MYZAP: variants seen among roughly 807,000 people sequenced by gnomAD.
The protein encoded by MYZAP is myocardial zonula adherens protein.
In MYZAP, 66 loss-of-function variants were observed where a neutral mutation model predicts 69.4. The observed-to-expected ratio is 0.95, with a 90% confidence interval of 0.78 to 1.17. The LOEUF is 1.17. Ranked by LOEUF, MYZAP falls within the 50% of genes most tolerant of loss-of-function variation. The pLI, the probability that MYZAP is intolerant of heterozygous loss-of-function variation, is 0.00. For synonymous variants in MYZAP, 256 were observed against 205.9 expected (o/e 1.24, Z -2.09); for missense variants, 611 against 556.2 (o/e 1.10, Z -0.99).
rs376306761 is a variant in MYZAP at position 57,593,190 on chromosome 15, A to ATGCGCGCGCGCGCGCACACG, written c.75+1081_75+1082insTGCGCGCGCGCGCGCACACG. 1.0e-3 allele frequency among the ~76,000 whole-genome samples: 113 copies of ATGCGCGCGCGCGCGCACACG among 108,328 alleles called. 1 individual carries two copies. The South Asian group carries it at 0.014, about 14-fold the overall frequency. The allele number at this position is 108,328 out of a possible 152,430, so 71.1% of individuals were successfully genotyped here. On this transcript the variant is annotated intron_variant, in intron 1 of 12. Coordinates refer to ENST00000267853, the MANE Select transcript of MYZAP (RefSeq NM_001018100.5). ...ACACTTAGGTTGTGTACACAGGCGCACACACACACACACACACACACACAC... is the reference window on the plus strand; with the variant it reads ...ACACTTAGGTTGTGTACACAGGCGCATGCGCGCGCGCGCGCACACGCACACACACACACACACACACACAC...
At chr15:57,645,201 T>C (rs1251357592) in intron 10 of MYZAP, among the ~76,000 whole-genome samples, 1 of 152,234 alleles carries the variant, frequency 6.6e-6, no homozygotes, top group Non-Finnish European at 1.5e-5. Flanking sequence ...ATTTTGAAAG[T>C]ATTTAACGGT....
intron 11 of MYZAP, among the ~76,000 whole-genome samples, chr15:57,668,890 ATATAT>A (rs760480147): frequency 0.011 from 1,283 of 111,630 alleles, 10 homozygotes; most frequent in African/African-American, 0.051. Context: ...ATATATATAT[ATATAT>A]TTTTTTTTTT....
chr15:57,639,694 C>A (rs1479222663), intron 10 of MYZAP, 149 bp downstream of exon 10: 3 of 821,224 alleles, frequency 3.7e-6, no homozygotes, highest in Non-Finnish European at 5.8e-6. Context: ...GTGGGATTTC[C>A]CCACATGTCC....
chr15:57,666,673 G>C (rs993302391), intron 11 of MYZAP, among the ~76,000 whole-genome samples: 2 of 152,050 alleles, frequency 1.3e-5, no homozygotes, highest in Non-Finnish European at 2.9e-5. Context: ...ACTAGATGCG[G>C]GAAAGAGGGA....
intron 10 of MYZAP, among the ~76,000 whole-genome samples, chr15:57,644,007 T>G (rs1300876815): frequency 6.6e-6 from 1 of 152,212 alleles, no homozygotes; most frequent in Non-Finnish European, 1.5e-5. Context: ...CATTAGTGCT[T>G]CTCCACCCAA....
chr15:57,646,387 C>G, intron 10 of MYZAP: 2 of 1,158,990 alleles, frequency 1.7e-6, no homozygotes, highest in Non-Finnish European at 2.2e-6. Flanking sequence ...ATACTGTCAC[C>G]CTGACTTGTA....
At chr15:57,670,739 T>C (rs1317891687) in intron 11 of MYZAP, among the ~76,000 whole-genome samples, 6 of 152,092 alleles carry the variant, frequency 3.9e-5, no homozygotes, top group South Asian at 2.1e-4. Flanking sequence ...TTTTAAGTTA[T>C]CCATTGGCAT....
At chr15:57,633,523 C>A in intron 7 of MYZAP, 90 bp from the exon 8 acceptor site, 2 of 1,402,272 alleles carry the variant, frequency 1.4e-6, no homozygotes, top group Non-Finnish European at 1.9e-6. Flanking sequence ...AAAGAGAAAT[C>A]GTGATCTAGC....
Position 57,684,476 on chromosome 15 carries a change from C to G in MYZAP, c.1379C>G (p.Thr460Ser). The change falls in exon 13 of 13, where the codon ACC (threonine) becomes AGC (serine). Residue 460 changes from threonine (T) to serine (S), a missense_variant. Coordinates refer to ENST00000267853, the MANE Select transcript of MYZAP (RefSeq NM_001018100.5). ...YTPYTRVLEL[T>S]MKKTLT ...CCATACACAAGAGTCCTGGAGTTAA[C>G]CATGAAGAAAACTCTGACTTAGGCA... 1 of 1,611,912 alleles carries G rather than the reference C, an allele frequency of 6.2e-7. No homozygotes were observed. The highest frequency in any genetic ancestry group is 8.5e-7 in the Non-Finnish European group (1 of 1,178,788).
intron 12 of MYZAP, chr15:57,680,582 G>A (rs2039384777): frequency 6.6e-6 from 1 of 152,020 alleles, no homozygotes. Flanking sequence ...GTTAATTAAA[G>A]CCATTGAGAA....
chr15:57,647,788 T>G, intron 10 of MYZAP: 1 of 985,422 alleles, frequency 1.0e-6, no homozygotes. Context: ...TAGATCTGGG[T>G]TCCTTGCATT....
chr15:57,667,452 T>A (rs1365009350), intron 11 of MYZAP, among the ~76,000 whole-genome samples: 19 of 151,768 alleles, frequency 1.3e-4, no homozygotes, highest in African/African-American at 4.6e-4. Flanking sequence ...CACAAGGGGG[T>A]GGTGTTTGAA....
At position 57,592,045 on chromosome 15, in the gene MYZAP, C is replaced by G. The variant is rs1314835105; in HGVS notation, c.11C>G (p.Ser4Cys). 7.7e-6 allele frequency: 11 copies of G among 1,434,646 alleles called. No individual in the cohort carries two copies. The highest frequency in any genetic ancestry group is 9.1e-6 in the Non-Finnish European group (10 of 1,098,302). The allele number at this position is 1,434,646 out of a possible 1,614,324, so 88.9% of individuals were successfully genotyped here. Residue 4 changes from serine (S) to cysteine (C), a missense_variant, in exon 1 of 13, where the codon TCC becomes TGC. By Grantham distance (112) the Ser-to-Cys change is moderately radical (BLOSUM62 -1). Coordinates refer to ENST00000267853, the MANE Select transcript of MYZAP (RefSeq NM_001018100.5). Reference sequence around the variant, plus strand: ...GACCGCCGCTGCGGGATGCTGCGCTCCACGTCCACGGTCACCCTGCTCTCG... The same window carrying G: ...GACCGCCGCTGCGGGATGCTGCGCTGCACGTCCACGGTCACCCTGCTCTCG... The part of the protein sequence containing the change: MLR[S>C]TSTVTLLSGG...
At chr15:57,668,459 A>G (rs1465135263) in intron 11 of MYZAP, among the ~76,000 whole-genome samples, 3 of 152,170 alleles carry the variant, frequency 2.0e-5, no homozygotes, top group African/African-American at 7.2e-5. Context: ...AACCTTTTAA[A>G]TTTAGCCATT....
chr15:57,639,803 C>T lies in MYZAP; in HGVS notation c.1119+258C>T, dbSNP rs150742843. Among the ~76,000 whole-genome samples the T allele has an allele frequency of 2.8e-3, 422 of 152,280 alleles. 3 individuals carry two copies. The highest frequency in any genetic ancestry group is 9.2e-3 in the African/African-American group (381 of 41,566). On this transcript the variant is annotated intron_variant, in intron 10 of 12. Coordinates refer to ENST00000267853, the MANE Select transcript of MYZAP (RefSeq NM_001018100.5). ...GGAAAGTGCAGTTCATAAGCTCACC[C>T]ACTGTGAAAGGACAGTGATAGCCTG...
intron 12 of MYZAP, among the ~76,000 whole-genome samples, chr15:57,682,421 A>G (rs975308433): frequency 2.0e-5 from 3 of 152,096 alleles, no homozygotes; most frequent in Admixed American, 6.5e-5. Context: ...CCTGTTAACT[A>G]TAACTCTCAA....
intron 6 of MYZAP, among the ~76,000 whole-genome samples, chr15:57,630,609 C>G (rs527600357): frequency 6.6e-6 from 1 of 152,266 alleles, no homozygotes; most frequent in African/African-American, 2.4e-5. Context: ...GCCCCCTAGG[C>G]TGGGAGCATT....
intron 10 of MYZAP, among the ~76,000 whole-genome samples, chr15:57,654,481 G>GT (rs747631411): frequency 2.0e-5 from 3 of 152,070 alleles, no homozygotes; most frequent in Non-Finnish European, 2.9e-5. Flanking sequence ...TTTCGTGTTT[G>GT]TTATCCTTTG....
chr15:57,651,730 T>G (rs1220076288), intron 10 of MYZAP, among the ~76,000 whole-genome samples: 6 of 152,208 alleles, frequency 3.9e-5, no homozygotes, highest in African/African-American at 1.4e-4. Context: ...ATAGGGTTGT[T>G]TCTGAGAATC....
Sources: gnomAD v4.1 joint callset for allele counts (sites outside exome capture counted in the v4.1 genomes callset) on GRCh38, gnomAD v4.1.1 for gene constraint, MANE v1.5 for transcripts, NCBI Gene and HGNC (gene_info 2026-07-23, HGNC 2026-07-21) for gene names.